CNTRL: variants seen among roughly 807,000 people sequenced by gnomAD.
CNTRL encodes the protein 110 kDa centrosomal protein.
Under a neutral mutation model 303.7 loss-of-function variants are expected in CNTRL, and 233 were observed. The observed-to-expected ratio is 0.77, with a 90% CI of 0.69 to 0.86. The LOEUF is 0.86. Ranked by LOEUF, CNTRL falls within the 40% of genes least tolerant of loss-of-function variation. The probability of loss-of-function intolerance (pLI) is 0.00; values close to 1 mark genes in which losing one functional copy is unlikely to be tolerated. For synonymous variants in CNTRL, 900 were observed against 922.2 expected (o/e 0.98, Z 0.44); for missense variants, 2,524 against 2,650.6 (o/e 0.95, Z 1.05).
At chr9:121,129,139 C>T (rs1169698625) in intron 14 of CNTRL, among the ~76,000 whole-genome samples, 1 of 152,058 alleles carries the variant, frequency 6.6e-6, no homozygotes, top group Admixed American at 6.5e-5. Context: ...TTTTTGGTTC[C>T]ATATGAACTT....
chr9:121,160,222 T>G lies in CNTRL; in HGVS notation c.5009T>G (p.Leu1670Arg). Residue 1670 changes from leucine (L) to arginine (R), a missense_variant, in exon 32 of 44, where the codon CTT (leucine) becomes CGT (arginine). Physicochemically the swap from Leu to Arg is moderately radical, Grantham distance 102. Coordinates refer to ENST00000373855, the MANE Select transcript of CNTRL (RefSeq NM_007018.6). Reference sequence around the variant, plus strand: ...CAGATTAGTGAAAGAAAAACTCAACTTACACTTATAAAGCAGGAAATTGAA... The same window carrying G: ...CAGATTAGTGAAAGAAAAACTCAACGTACACTTATAAAGCAGGAAATTGAA... ...NVQISERKTQ[L>R]TLIKQEIEKE... is the part of the protein sequence containing the mutation. The G allele has an allele frequency of 6.4e-7, 1 of 1,569,110 alleles. No homozygotes were observed. The highest frequency in any genetic ancestry group is 1.2e-5 in the South Asian group (1 of 80,758).
intron 30 of CNTRL, 26 bp downstream of exon 30, chr9:121,158,135 A>G: frequency 6.2e-7 from 1 of 1,611,028 alleles, no homozygotes; most frequent in Non-Finnish European, 8.5e-7. Context: ...CCTTGAAAAA[A>G]CAACTGACAC....
At chr9:121,118,261 A>T in intron 11 of CNTRL, 85 bp from the exon 12 acceptor site, 5 of 1,086,980 alleles carry the variant, frequency 4.6e-6, no homozygotes, top group Non-Finnish European at 6.3e-6. Context: ...AGAATATAGA[A>T]TACTTATTAA....
chr9:121,094,983 A>T lies in CNTRL; in HGVS notation c.444A>T (p.Lys148Asn). The T allele has an allele frequency of 6.2e-7, 1 of 1,609,146 alleles. No homozygotes were observed. Among genetic ancestry groups the T allele is most frequent in the Non-Finnish European group, 8.5e-7 (1 of 1,177,536 alleles). ...GKIEKLDKLL[K>N]LRELNLSYNK... ...TTGAAAAGTTGGACAAGCTGTTAAA[A>T]TTACGTGAACTCAACTTATCATATA... The change falls in exon 5 of 44, where the codon AAA (lysine) becomes AAT (asparagine). Residue 148 changes from lysine (K) to asparagine (N), a missense_variant. Physicochemically the swap from Lys to Asn is moderately conservative, Grantham distance 94 (BLOSUM62 0). Coordinates refer to ENST00000373855, the MANE Select transcript of CNTRL (RefSeq NM_007018.6).
chr9:121,177,342 A>G lies in CNTRL; in HGVS notation c.*156A>G, dbSNP rs538628269. 1.3e-5 allele frequency: 8 copies of G among 630,912 alleles called. No homozygotes were observed. Among genetic ancestry groups the G allele is most frequent in the South Asian group, 1.0e-4 (5 of 49,258 alleles). 39.1% of individuals were successfully genotyped at this position (630,912 alleles called of 1,614,324 possible). A position where few individuals can be genotyped will look rare whatever the true frequency, so the allele number is the denominator to read the frequency against. ...TACTTTGCCTGTACCATTAATGCCA[A>G]TGTTTTTATAAATCACTTGTACATA... On this transcript the variant is annotated 3_prime_UTR_variant, in exon 44 of 44. Transcript: ENST00000373855.
At chr9:121,161,641 C>A in intron 32 of CNTRL, 1 of 488,306 alleles carries the variant, frequency 2.0e-6, no homozygotes, top group South Asian at 2.7e-5. Context: ...TGCTGCTGCA[C>A]CTGGCTTGTT....
intron 2 of CNTRL, among the ~76,000 whole-genome samples, chr9:121,081,850 A>T (rs1167033875): frequency 1.3e-5 from 2 of 152,198 alleles, no homozygotes; most frequent in Non-Finnish European, 2.9e-5. Flanking sequence ...ACTGGTTATC[A>T]AATCAATTTT....
rs1355886041 is a variant in CNTRL at position 121,165,053 on chromosome 9, A to C, written c.5534A>C (p.Lys1845Thr). Residue 1845 changes from lysine to threonine, a missense_variant, in exon 35 of 44, where the codon AAG becomes ACG. Transcript: ENST00000373855. ...QQELDQLNRDKLSLHNDISAM... is the reference protein window; with the variant it reads ...QQELDQLNRDTLSLHNDISAM... ...GAACTAGACCAACTAAACAGAGACA[A>C]GTTGTCACTGCATAACGACATTTCA... The C allele has an allele frequency of 6.2e-7, 1 of 1,606,828 alleles. No homozygotes were observed. Among genetic ancestry groups the C allele is most frequent in the Non-Finnish European group, 8.5e-7 (1 of 1,177,460 alleles).
Position 121,118,437 on chromosome 9 carries a change from A to C in CNTRL, c.1547A>C (p.Glu516Ala), listed in dbSNP as rs761324804. The C allele has an allele frequency of 5.6e-6, 9 of 1,613,670 alleles. No individual in the cohort carries two copies. The highest frequency in any genetic ancestry group is 6.8e-6 in the Non-Finnish European group (8 of 1,179,704). The change falls in exon 12 of 44, where the codon GAA (glutamate) becomes GCA (alanine). Residue 516 changes from glutamate (E) to alanine (A), a missense_variant. Coordinates refer to ENST00000373855, the MANE Select transcript of CNTRL (RefSeq NM_007018.6). ...TTACGCCAGGAAGCTCTGGATCTAGAACTGCAGATGGAAAAGCAAAAGCAG... is the reference window on the plus strand; with the variant it reads ...TTACGCCAGGAAGCTCTGGATCTAGCACTGCAGATGGAAAAGCAAAAGCAG... ...NKLRQEALDL[E>A]LQMEKQKQEI...
rs144738756 is a variant in CNTRL at position 121,154,867 on chromosome 9, G to A, written c.4319G>A (p.Arg1440Gln). The change falls in exon 27 of 44, where the codon CGA (arginine) becomes CAA (glutamine). Residue 1440 changes from arginine to glutamine, a missense_variant. Transcript: ENST00000373855. ...KRRSELREAD[R>Q]LLAEAESELS... ...CGCTCAGAGCTCAGGGAAGCTGACC[G>A]ACTCCTGGCAGAGGCTGAGAGTGAA... 49 of 1,614,050 alleles carry A rather than the reference G, an allele frequency of 3.0e-5. No individual in the cohort carries two copies. Among genetic ancestry groups the A allele is most frequent in the South Asian group, 4.4e-5 (4 of 91,070 alleles).
rs774891891 is a variant in CNTRL, at chr9:121,160,196, T to G, written c.4983T>G (p.Val1661=). 1.1e-5 allele frequency: 17 copies of G among 1,557,152 alleles called. No homozygotes were observed. The highest frequency in any genetic ancestry group is 1.5e-5 in the Non-Finnish European group (17 of 1,158,654). The part of the protein sequence containing the change: ...ELSFQKGELN[V]QISERKTQLT... ...GTTTTCAGAAAGGAGAACTAAATGT[T>G]CAGATTAGTGAAAGAAAAACTCAAC... The change falls in exon 32 of 44, where the codon GTT becomes GTG. Residue 1661 remains valine (V), a synonymous_variant. Transcript: ENST00000373855.
rs2051559029 is a variant in CNTRL, at chr9:121,142,256, G to C, written c.2857G>C (p.Glu953Gln). ...EKERILAQLR[E>Q]LEKKKKLEDA... Reference sequence around the variant, plus strand: ...GGAGAGAATTCTGGCCCAACTCCGAGAGTTAGAGAAAAAGGTAGGGGAGAC... The same window carrying C: ...GGAGAGAATTCTGGCCCAACTCCGACAGTTAGAGAAAAAGGTAGGGGAGAC... The change falls in exon 19 of 44, where the codon GAG becomes CAG. Residue 953 changes from glutamate (E) to glutamine (Q), a missense_variant. Transcript: ENST00000373855. 2.5e-6 allele frequency: 4 copies of C among 1,599,630 alleles called. No homozygotes were observed. Among genetic ancestry groups the C allele is most frequent in the Non-Finnish European group, 3.4e-6 (4 of 1,176,186 alleles).
rs2050371036 is a variant in CNTRL at position 121,123,936 on chromosome 9, T to C, written c.1656T>C (p.His552=). 1 of 1,592,578 alleles carries C rather than the reference T, an allele frequency of 6.3e-7. No homozygotes were observed. The highest frequency in any genetic ancestry group is 1.4e-5 in the African/African-American group (1 of 73,480). ...GATTTTTTTTTTTAATTCAGTCCCA[T>C]ATGAAGGCTCAAAAGAGCGGTAAAG... ...SLDSKDPKHS[H]MKAQKSGKEQ... The change falls in exon 13 of 44, where the codon CAT becomes CAC. Residue 552 remains histidine (H), a synonymous_variant. Coordinates refer to ENST00000373855, the MANE Select transcript of CNTRL (RefSeq NM_007018.6).
intron 4 of CNTRL, among the ~76,000 whole-genome samples, chr9:121,091,568 C>T (rs191775349): frequency 4.6e-5 from 7 of 152,242 alleles, no homozygotes; most frequent in African/African-American, 1.2e-4. Context: ...AGCAGCCGGG[C>T]GCAGTGGCTC....
rs750027253 is a variant in CNTRL at position 121,171,520 on chromosome 9, A to C, written c.6389A>C (p.Gln2130Pro). ...CTGATGAAGGAGCTCAACCAGATGCAGTATGAGTACACGGAGCTCAAGAAA... is the reference window on the plus strand; with the variant it reads ...CTGATGAAGGAGCTCAACCAGATGCCGTATGAGTACACGGAGCTCAAGAAA... ...RRLMKELNQM[Q>P]YEYTELKKQM... Residue 2130 changes from glutamine (Q) to proline (P), a missense_variant, in exon 40 of 44, where the codon CAG (glutamine) becomes CCG (proline). Physicochemically the swap from Gln to Pro is moderately conservative, Grantham distance 76 (BLOSUM62 -1). Transcript: ENST00000373855. 1 of 1,614,020 alleles carries C rather than the reference A, an allele frequency of 6.2e-7. No individual in the cohort carries two copies. The highest frequency in any genetic ancestry group is 8.5e-7 in the Non-Finnish European group (1 of 1,179,926).
At position 121,107,904 on chromosome 9, in the gene CNTRL, A is replaced by T; in HGVS notation, c.911A>T (p.Asp304Val). The T allele has an allele frequency of 6.2e-7, 1 of 1,611,100 alleles. No individual in the cohort carries two copies. Among genetic ancestry groups the T allele is most frequent in the South Asian group, 1.1e-5 (1 of 90,594 alleles). The change falls in exon 8 of 44, where the codon GAT becomes GTT. Residue 304 changes from aspartate (D) to valine (V), a missense_variant. Physicochemically the swap from Asp to Val is radical, Grantham distance 152. Transcript: ENST00000373855. ...TRFLEEIKNQ[D>V]KLNKSLKEEA... ...TTCCTTGAGGAAATTAAAAATCAAG[A>T]TAAATTGAATAAATCATTAAAAGAG... is the stretch of plus-strand genomic sequence containing the variant.
chr9:121,107,912 A>G lies in CNTRL; in HGVS notation c.919A>G (p.Asn307Asp), dbSNP rs2049556253. Residue 307 changes from asparagine to aspartate, a missense_variant, in exon 8 of 44, where the codon AAT (asparagine) becomes GAT (aspartate). Asn to Asp is a conservative substitution (Grantham distance 23). Transcript: ENST00000373855. Reference sequence around the variant, plus strand: ...GGAAATTAAAAATCAAGATAAATTGAATAAATCATTAAAAGAGGAGGCCAT... The same window carrying G: ...GGAAATTAAAAATCAAGATAAATTGGATAAATCATTAAAAGAGGAGGCCAT... Reference protein sequence around the residue: ...LEEIKNQDKLNKSLKEEAMLQ... With the variant: ...LEEIKNQDKLDKSLKEEAMLQ... 1.2e-6 allele frequency: 2 copies of G among 1,611,360 alleles called. No individual in the cohort carries two copies. Among genetic ancestry groups the G allele is most frequent in the South Asian group, 2.2e-5 (2 of 90,604 alleles).
At chr9:121,120,604 C>T (rs570110597) in intron 12 of CNTRL, among the ~76,000 whole-genome samples, 96 of 152,290 alleles carry the variant, frequency 6.3e-4, no homozygotes, top group African/African-American at 2.3e-3. Flanking sequence ...CTTATAGATC[C>T]TACCCAAAAC....
chr9:121,119,308 T>G (rs975019312), intron 12 of CNTRL, among the ~76,000 whole-genome samples: 2 of 148,186 alleles, frequency 1.3e-5, no homozygotes, highest in Non-Finnish European at 3.0e-5. Flanking sequence ...TCTCTCTCTC[T>G]CTCTCTTTTT....
Sources: allele counts gnomAD v4.1 joint callset (sites outside exome capture counted in the v4.1 genomes callset), GRCh38; gene constraint gnomAD v4.1.1; transcripts MANE v1.5; gene names NCBI Gene and HGNC (gene_info 2026-07-23, HGNC 2026-07-21).